CYB5D2: variants seen among roughly 807,000 people sequenced by gnomAD.
CYB5D2 encodes the protein cytochrome b5 domain containing 2.
In CYB5D2, 23 loss-of-function variants were observed where a neutral mutation model predicts 22.8. The observed-to-expected ratio is 1.01, with a 90% CI of 0.73 to 1.43. The LOEUF (loss-of-function observed/expected upper bound fraction) is 1.43, where lower values mean the gene tolerates loss of function less well. CYB5D2 is among the 40% of genes most tolerant of loss of function. The pLI is 0.00. For synonymous variants in CYB5D2, 170 were observed against 152.2 expected (o/e 1.12, Z -0.86); for missense variants, 373 against 357.2 (o/e 1.04, Z -0.36).
intron 1 of CYB5D2, 88 bp downstream of exon 1, chr17:4,144,093 T>C (rs751568563): frequency 1.2e-4 from 174 of 1,489,122 alleles, no homozygotes; most frequent in Non-Finnish European, 1.0e-4. Flanking sequence ...TATTCATCTA[T>C]TTCCCCCCCC....
Position 4,143,826 on chromosome 17 carries a change from G to A in CYB5D2, c.71G>A (p.Arg24Gln), listed in dbSNP as rs777507116. Residue 24 changes from arginine (R) to glutamine (Q), a missense_variant, in exon 1 of 4, where the codon CGG (arginine) becomes CAG (glutamine). Transcript: ENST00000301391. ...GCCGCAGCAGCGGTAATGGCAGCACGGCTTATGGGCTGGTGGGGTCCCCGC... is the reference window on the plus strand; with the variant it reads ...GCCGCAGCAGCGGTAATGGCAGCACAGCTTATGGGCTGGTGGGGTCCCCGC... Reference protein sequence around the residue: ...AVAAAAVMAARLMGWWGPRAG... With the variant: ...AVAAAAVMAAQLMGWWGPRAG... 1.2e-6 allele frequency: 2 copies of A among 1,614,048 alleles called. No individual in the cohort carries two copies. The highest frequency in any genetic ancestry group is 1.7e-6 in the Non-Finnish European group (2 of 1,180,014).
At position 4,143,708 on chromosome 17, in the gene CYB5D2, A is replaced by T. The variant is rs998775092; in HGVS notation, c.-48A>T. The T allele has an allele frequency of 6.4e-7, 1 of 1,567,660 alleles. No homozygotes were observed. Among genetic ancestry groups the T allele is most frequent in the Non-Finnish European group, 8.7e-7 (1 of 1,154,050 alleles). On this transcript the variant is annotated 5_prime_UTR_variant, in exon 1 of 4. Transcript: ENST00000301391. ...TCGGCGTCTCGGCCATCTTAGCTGTAGATAGAGGCGGCAACCTCGGAAGTG... is the reference window on the plus strand; with the variant it reads ...TCGGCGTCTCGGCCATCTTAGCTGTTGATAGAGGCGGCAACCTCGGAAGTG...
intron 1 of CYB5D2, among the ~76,000 whole-genome samples, chr17:4,148,888 A>G (rs536280328): frequency 2.0e-5 from 3 of 152,226 alleles, no homozygotes; most frequent in East Asian, 1.9e-4. Flanking sequence ...GAGACAGGCA[A>G]TACTGGAGTA....
chr17:4,152,335 C>T (rs991350576), intron 2 of CYB5D2, among the ~76,000 whole-genome samples: 2 of 152,164 alleles, frequency 1.3e-5, no homozygotes, highest in African/African-American at 4.8e-5. Context: ...CCATGTTAGG[C>T]TCTTTCAGGT....
chr17:4,145,578 A>G (rs1366075063), intron 1 of CYB5D2, among the ~76,000 whole-genome samples: 4 of 152,148 alleles, frequency 2.6e-5, no homozygotes, highest in Non-Finnish European at 5.9e-5. Context: ...TCTGCTGTTT[A>G]CTGAGCTCCC....
chr17:4,154,816 G>A lies in CYB5D2; in HGVS notation c.534G>A (p.Glu178=), dbSNP rs543235394. The change falls in exon 3 of 4, where the codon GAG becomes GAA. Residue 178 remains glutamate, a synonymous_variant. Transcript: ENST00000301391. ...AGACATTCCCGCCGTGCAACGCGGA[G>A]TGGAGCTCAGCCAGGGGCAGCCGGC... ...EKQTFPPCNA[E]WSSARGSRLW... is the part of the protein sequence containing the mutation. 1.9e-6 allele frequency: 3 copies of A among 1,614,216 alleles called. No homozygotes were observed. Among genetic ancestry groups the A allele is most frequent in the African/African-American group, 1.3e-5 (1 of 75,066 alleles).
chr17:4,154,415 C>T (rs1212501220), intron 2 of CYB5D2, among the ~76,000 whole-genome samples: 2 of 152,196 alleles, frequency 1.3e-5, no homozygotes, highest in Non-Finnish European at 2.9e-5. Context: ...CTCAGGGAAG[C>T]CTTGTCTGGA....
At position 4,143,599 on chromosome 17, in the gene CYB5D2, T is replaced by G; in HGVS notation, c.-157T>G. The G allele has an allele frequency of 1.9e-6, 2 of 1,055,778 alleles. No homozygotes were observed. The highest frequency in any genetic ancestry group is 3.5e-5 in the South Asian group (2 of 57,576). 65.4% of individuals were successfully genotyped at this position (1,055,778 alleles called of 1,614,324 possible). A position where few individuals can be genotyped will look rare whatever the true frequency, so the allele number is the denominator to read the frequency against. On this transcript the variant is annotated 5_prime_UTR_variant, in exon 1 of 4. Transcript: ENST00000301391. ...TTTTCGCCAGTGCCAGGAATACAGATAAAACGAGAGAGACTAAGGGAGGGA... is the reference window on the plus strand; with the variant it reads ...TTTTCGCCAGTGCCAGGAATACAGAGAAAACGAGAGAGACTAAGGGAGGGA...
chr17:4,144,848 C>G (rs1037757045), intron 1 of CYB5D2, among the ~76,000 whole-genome samples: 2 of 151,896 alleles, frequency 1.3e-5, no homozygotes, highest in Non-Finnish European at 2.9e-5. Flanking sequence ...GTGCAGTGGC[C>G]TGATCTCGGC....
chr17:4,143,674 A>G lies in CYB5D2; in HGVS notation c.-82A>G, dbSNP rs897982142. 1.4e-4 allele frequency: 206 copies of G among 1,511,986 alleles called. No individual in the cohort carries two copies. Among genetic ancestry groups the G allele is most frequent in the Non-Finnish European group, 1.6e-4 (177 of 1,129,478 alleles). 93.7% of individuals were successfully genotyped at this position (1,511,986 alleles called of 1,614,324 possible). On this transcript the variant is annotated 5_prime_UTR_variant, in exon 1 of 4. Coordinates refer to ENST00000301391, the MANE Select transcript of CYB5D2 (RefSeq NM_144611.4). ...GAGAGCGAGAGCGCGCGCGCCGATG[A>G]CGTCACGCTCGGCGTCTCGGCCATC... is the stretch of plus-strand genomic sequence containing the variant.
rs888232845 is a variant in CYB5D2 at position 4,154,809 on chromosome 17, A to G, written c.527A>G (p.Asn176Ser). 1.1e-5 allele frequency: 18 copies of G among 1,614,102 alleles called. No homozygotes were observed. Among genetic ancestry groups the G allele is most frequent in the East Asian group, 2.2e-5 (1 of 44,896 alleles). Reference sequence around the variant, plus strand: ...GAGAAGCAGACATTCCCGCCGTGCAACGCGGAGTGGAGCTCAGCCAGGGGC... The same window carrying G: ...GAGAAGCAGACATTCCCGCCGTGCAGCGCGGAGTGGAGCTCAGCCAGGGGC... ...LQEKQTFPPC[N>S]AEWSSARGSR... The change falls in exon 3 of 4, where the codon AAC (asparagine) becomes AGC (serine). Residue 176 changes from asparagine (N) to serine (S), a missense_variant. Physicochemically the swap from Asn to Ser is conservative, Grantham distance 46. Transcript: ENST00000301391.
chr17:4,144,890 C>G lies in CYB5D2; in HGVS notation c.250+885C>G, dbSNP rs149125169. On this transcript the variant is annotated intron_variant, in intron 1 of 3. Transcript: ENST00000301391. Reference sequence around the variant, plus strand: ...CAAGCTCTGCCTCCCGGGTTCACGCCATTCTCCTGTCTCAGCCTCCCGAAT... The same window carrying G: ...CAAGCTCTGCCTCCCGGGTTCACGCGATTCTCCTGTCTCAGCCTCCCGAAT... 8.4e-3 allele frequency among the ~76,000 whole-genome samples: 1,280 copies of G among 152,164 alleles called. 11 individuals are homozygous for G. The highest frequency in any genetic ancestry group is 0.017 in the Middle Eastern group (5 of 294).
At chr17:4,153,020 T>G (rs572513811) in intron 2 of CYB5D2, among the ~76,000 whole-genome samples, 102 of 152,210 alleles carry the variant, frequency 6.7e-4, no homozygotes, top group South Asian at 2.3e-3. Flanking sequence ...TCAAGTGATC[T>G]GCCCGCCTCA....
At chr17:4,148,578 C>G (rs1177129318) in intron 1 of CYB5D2, among the ~76,000 whole-genome samples, 1 of 151,508 alleles carries the variant, frequency 6.6e-6, no homozygotes, top group South Asian at 2.1e-4. Context: ...GTGGCTCACA[C>G]CTGTAATCCC....
chr17:4,156,469 T>C (rs1471697734), intron 3 of CYB5D2, among the ~76,000 whole-genome samples: 1 of 151,972 alleles, frequency 6.6e-6, no homozygotes, highest in Non-Finnish European at 1.5e-5. Flanking sequence ...CTGCGCTGGG[T>C]TGTAGTGGGG....
intron 1 of CYB5D2, among the ~76,000 whole-genome samples, chr17:4,144,860 C>T (rs1328272055): frequency 6.6e-6 from 1 of 152,044 alleles, no homozygotes; most frequent in African/African-American, 2.4e-5. Context: ...GATCTCGGCT[C>T]ACTGCAAGCT....
In CYB5D2 at chr17:4,157,062, A is replaced by G; in HGVS notation, c.775A>G (p.Thr259Ala). The change falls in exon 4 of 4, where the codon ACA becomes GCA. Residue 259 changes from threonine (T) to alanine (A), a missense_variant. By Grantham distance (58) the Thr-to-Ala change is moderately conservative. Coordinates refer to ENST00000301391, the MANE Select transcript of CYB5D2 (RefSeq NM_144611.4). The surrounding 1 kb of genome is among the most constrained non-coding windows in gnomAD (Gnocchi z 4.4). Reference sequence around the variant, plus strand: ...CACAGGCTGCCCACCGCTAGCCATCACATGCTCCTTTCCACTCTAAGCCGT... The same window carrying G: ...CACAGGCTGCCCACCGCTAGCCATCGCATGCTCCTTTCCACTCTAAGCCGT... ...EYTGCPPLAI[T>A]CSFPL is the part of the protein sequence containing the mutation. 1 of 1,612,432 alleles carries G rather than the reference A, an allele frequency of 6.2e-7. No individual in the cohort carries two copies. The highest frequency in any genetic ancestry group is 8.5e-7 in the Non-Finnish European group (1 of 1,180,022).
intron 1 of CYB5D2, 100 bp downstream of exon 1, chr17:4,144,105 TCCCCA>T: frequency 7.0e-7 from 1 of 1,438,306 alleles, no homozygotes. Context: ...TCCCCCCCCA[TCCCCA>T]CCCCACATCC....
chr17:4,152,406 G>A (rs576609087), intron 2 of CYB5D2, among the ~76,000 whole-genome samples: 33 of 152,340 alleles, frequency 2.2e-4, no homozygotes, highest in South Asian at 2.1e-3. Context: ...ACATACTGAA[G>A]TGAGGACAGC....
Sources: gnomAD v4.1 joint callset for allele counts (sites outside exome capture counted in the v4.1 genomes callset) on GRCh38, gnomAD v4.1.1 for gene constraint, Gnocchi (gnomAD v3.1) non-coding constraint, MANE v1.5 for transcripts, NCBI Gene and HGNC (gene_info 2026-07-23, HGNC 2026-07-21) for gene names.